Variants in PDS5A observed in about 807,000 individuals in gnomAD.
PDS5A encodes sister chromatid cohesion protein PDS5 homolog A.
Under a neutral mutation model 167.1 loss-of-function variants are expected in PDS5A, and 42 were observed. The observed-to-expected ratio is 0.25, with a 90% CI of 0.20 to 0.33. The LOEUF (loss-of-function observed/expected upper bound fraction) is 0.33, where lower values mean the gene tolerates loss of function less well. Ranked by LOEUF, PDS5A falls within the 10% of genes least tolerant of loss-of-function variation. PDS5A has a pLI of 1.00. For synonymous variants in PDS5A, 553 were observed against 554.6 expected, an observed-to-expected ratio of 1.00 and a Z score of 0.04; for missense variants, 1,033 against 1,605.9, an observed-to-expected ratio of 0.64 and a Z score of 6.10.
chr4:39,842,938 T>TATATATATATA (rs1349599395), intron 30 of PDS5A, among the ~76,000 whole-genome samples: 107 of 132,858 alleles, frequency 8.1e-4, no homozygotes, highest in Non-Finnish European at 1.1e-3. Flanking sequence ...TATATATATA[T>TATATATATATA]TTTAAGAGAC....
At chr4:39,887,488 T>C (rs1721575419) in intron 17 of PDS5A, among the ~76,000 whole-genome samples, 1 of 152,206 alleles carries the variant, frequency 6.6e-6, no homozygotes, top group East Asian at 1.9e-4. Context: ...ATATTTTTAA[T>C]GTGTTATTGA....
chr4:39,838,248 T>A, intron 31 of PDS5A, 40 bp from the exon 32 acceptor site: 1 of 1,289,704 alleles, frequency 7.8e-7, no homozygotes, highest in Non-Finnish European at 1.0e-6. Context: ...ACAAATTCCT[T>A]AAATATTAAT....
At chr4:39,877,628 A>AT (rs561887554) in intron 18 of PDS5A, among the ~76,000 whole-genome samples, 16 of 149,098 alleles carry the variant, frequency 1.1e-4, no homozygotes, top group East Asian at 2.0e-4. Context: ...ATCTATGAGA[A>AT]TTTTTTTTTT....
rs1192753753 is a variant in PDS5A at position 39,838,120 on chromosome 4, A to G, written c.3746T>C (p.Ile1249Thr). ...RTVTAAGAENIQQKTDEKVDE... is the reference protein window; with the variant it reads ...RTVTAAGAENTQQKTDEKVDE... ...TACTTTCTCATCTGTTTTTTGTTGG[A>G]TATTCTCTGCACCAGCTGCTGTTAC... The change falls in exon 32 of 33, where the codon ATC becomes ACC. Residue 1249 changes from isoleucine (I) to threonine (T), a missense_variant. This residue lies in a region of PDS5A where 233 missense variants were observed against 264.0 expected (regional missense o/e 0.88). Transcript: ENST00000303538. 1 of 1,613,794 alleles carries G rather than the reference A, an allele frequency of 6.2e-7. No individual in the cohort carries two copies. Among genetic ancestry groups the G allele is most frequent in the South Asian group, 1.1e-5 (1 of 91,050 alleles).
chr4:39,909,491 C>T (rs986376413), intron 10 of PDS5A, among the ~76,000 whole-genome samples: 1 of 152,132 alleles, frequency 6.6e-6, no homozygotes, highest in Admixed American at 6.5e-5. Context: ...AGTATCTGAT[C>T]TATGTCAGCT....
intron 17 of PDS5A, among the ~76,000 whole-genome samples, chr4:39,885,009 T>A (rs1429036734): frequency 6.6e-6 from 1 of 152,124 alleles, no homozygotes; most frequent in African/African-American, 2.4e-5. Context: ...ATGCCTGAAA[T>A]CCCAGAAATT....
chr4:39,908,897 A>C (rs922357318), intron 10 of PDS5A: 3 of 198,962 alleles, frequency 1.5e-5, no homozygotes, highest in African/African-American at 7.2e-5. Context: ...CATTAGCCAG[A>C]AGTGTAGTGG....
chr4:39,888,241 CA>C (rs34845975), intron 17 of PDS5A, among the ~76,000 whole-genome samples: 11,711 of 56,330 alleles, frequency 0.21, 233 homozygotes, highest in East Asian at 0.31. Flanking sequence ...AAGACTCCGG[CA>C]AAAAAAAAAA....
intron 29 of PDS5A, 118 bp downstream of exon 29, chr4:39,845,700 T>C (rs1052789975): frequency 2.8e-5 from 31 of 1,106,822 alleles, no homozygotes; most frequent in African/African-American, 3.3e-5. Context: ...AAATCCATAA[T>C]GTGATCCCTA....
intron 22 of PDS5A, among the ~76,000 whole-genome samples, chr4:39,868,157 A>C (rs1719717722): frequency 1.3e-5 from 2 of 152,128 alleles, no homozygotes; most frequent in African/African-American, 4.8e-5. Context: ...TACATCTATT[A>C]AATGTCACAA....
intron 7 of PDS5A, among the ~76,000 whole-genome samples, chr4:39,918,209 A>T (rs1166308309): frequency 6.7e-6 from 1 of 150,224 alleles, no homozygotes; most frequent in Non-Finnish European, 1.5e-5. Flanking sequence ...AAACAGAATA[A>T]TTTTTCCATG....
intron 2 of PDS5A, among the ~76,000 whole-genome samples, chr4:39,932,292 G>C (rs1204698264): frequency 6.6e-6 from 1 of 152,174 alleles, no homozygotes; most frequent in Non-Finnish European, 1.5e-5. Flanking sequence ...CTATGGGAAT[G>C]TACCCACCAT....
chr4:39,892,161 C>G (rs138926721), intron 16 of PDS5A, among the ~76,000 whole-genome samples: 1 of 151,980 alleles, frequency 6.6e-6, no homozygotes, highest in South Asian at 2.1e-4. Context: ...GGTATTAGGC[C>G]GGGTGCAGTG....
rs756186770 is a variant in PDS5A, at chr4:39,837,935, C to T, written c.3931G>A (p.Ala1311Thr). Reference sequence around the variant, plus strand: ...AGTTTGGGTGCTTTGGCATTACCTGCTTCCAAACCCCCAGGGCTCTCCTGA... The same window carrying T: ...AGTTTGGGTGCTTTGGCATTACCTGTTTCCAAACCCCCAGGGCTCTCCTGA... The part of the protein sequence containing the change: ...VGQESPGGLE[A>T]GNAKAPKLQD... Residue 1311 changes from alanine to threonine, a missense_variant, in exon 32 of 33, where the codon GCA (alanine) becomes ACA (threonine). Physicochemically the swap from Ala to Thr is moderately conservative, Grantham distance 58. Around this residue, in one of 4 missense-constraint regions of PDS5A, gnomAD observed 233 missense variants for 264.0 expected, o/e 0.88. Transcript: ENST00000303538. 1 of 1,614,010 alleles carries T rather than the reference C, an allele frequency of 6.2e-7. No homozygotes were observed. Among genetic ancestry groups the T allele is most frequent in the Non-Finnish European group, 8.5e-7 (1 of 1,179,872 alleles).
intron 2 of PDS5A, among the ~76,000 whole-genome samples, chr4:39,955,176 T>A (rs1440766814): frequency 6.6e-6 from 1 of 152,186 alleles, no homozygotes; most frequent in Non-Finnish European, 1.5e-5. Flanking sequence ...ATATGCTAAA[T>A]CTAACTTAGA....
chr4:39,880,379 T>G (rs964025039), intron 17 of PDS5A, among the ~76,000 whole-genome samples: 3 of 152,152 alleles, frequency 2.0e-5, no homozygotes, highest in African/African-American at 4.8e-5. Context: ...AAGGAATTAG[T>G]TTTTCAAAAT....
At chr4:39,960,323 A>C (rs1307774055) in intron 2 of PDS5A, among the ~76,000 whole-genome samples, 1 of 152,148 alleles carries the variant, frequency 6.6e-6, no homozygotes, top group Non-Finnish European at 1.5e-5. Context: ...TATGGAAGTT[A>C]CCAACTTTTA....
At chr4:39,921,583 T>TAAAAAAA (rs375091298) in intron 6 of PDS5A, among the ~76,000 whole-genome samples, 3 of 86,862 alleles carry the variant, frequency 3.5e-5, no homozygotes, top group African/African-American at 9.9e-5. Flanking sequence ...AAAGAAAACT[T>TAAAAAAA]AAAAAAAAAA....
chr4:39,887,733 A>G (rs1046665620), intron 17 of PDS5A, among the ~76,000 whole-genome samples: 7 of 152,218 alleles, frequency 4.6e-5, no homozygotes, highest in Non-Finnish European at 1.0e-4. Context: ...GGATTACATT[A>G]AGCTAAAATG....
Sources: allele counts gnomAD v4.1 joint callset (sites outside exome capture counted in the v4.1 genomes callset), GRCh38; gene constraint gnomAD v4.1.1; regional missense constraint gnomAD v4.1.1; transcripts MANE v1.5; gene names NCBI Gene and HGNC (gene_info 2026-07-23, HGNC 2026-07-21).